Variants in IL13RA1 observed in about 807,000 individuals in gnomAD.
The protein encoded by IL13RA1 is interleukin-13 receptor subunit alpha-1.
A neutral mutation model predicts 33.8 loss-of-function variants in IL13RA1; 14 were observed. The observed-to-expected ratio is 0.41, with a 90% CI of 0.27 to 0.65. The LOEUF (loss-of-function observed/expected upper bound fraction) is 0.65. IL13RA1 is among the 30% of genes least tolerant of loss of function. IL13RA1 has a pLI of 0.28. For missense variants in IL13RA1, 313 were observed against 327.0 expected (o/e 0.96, Z 0.33); for synonymous variants, 116 against 115.7 (o/e 1.00, Z -0.02).
intron 1 of IL13RA1, among the ~76,000 whole-genome samples, chrX:118,730,616 G>T (rs1031326718): frequency 9.0e-6 from 1 of 111,662 alleles, no homozygotes; most frequent in African/African-American, 3.3e-5. Flanking sequence ...AGCTTGATTT[G>T]CCCTTGAAAG....
At chrX:118,758,434 CAT>C (rs989722385) in intron 5 of IL13RA1, among the ~76,000 whole-genome samples, 192 bp downstream of exon 5, 3 of 112,137 alleles carry the variant, frequency 2.7e-5, no homozygotes, top group Non-Finnish European at 5.6e-5. Context: ...TTATTGAACA[CAT>C]GTGCCAGATG....
At chrX:118,771,650 C>G (rs1396148031) in intron 8 of IL13RA1, among the ~76,000 whole-genome samples, 1 of 112,233 alleles carries the variant, frequency 8.9e-6, no homozygotes, top group Non-Finnish European at 1.9e-5. Context: ...ATAGTATGCT[C>G]TAATGACTTG....
chrX:118,729,265 A>G (rs2017189373), intron 1 of IL13RA1, among the ~76,000 whole-genome samples: 1 of 112,208 alleles, frequency 8.9e-6, no homozygotes, highest in African/African-American at 3.2e-5. Context: ...CTGGCCATCT[A>G]GAGAATACTG....
At chrX:118,760,034 A>C (rs768662726) in intron 5 of IL13RA1, among the ~76,000 whole-genome samples, 9 of 112,078 alleles carry the variant, frequency 8.0e-5, no homozygotes, top group Non-Finnish European at 1.7e-4. Context: ...TGGCTCCCAA[A>C]GTATTTTACT....
At chrX:118,783,813 C>A (rs2017872111) in intron 10 of IL13RA1, among the ~76,000 whole-genome samples, 1 of 99,695 alleles carries the variant, frequency 1.0e-5, no homozygotes, top group Non-Finnish European at 2.0e-5. Context: ...TAAATTAAAA[C>A]TTTTTTTTTT....
intron 4 of IL13RA1, 89 bp from the exon 5 acceptor site, chrX:118,757,966 C>A: frequency 1.9e-6 from 1 of 533,253 alleles, no homozygotes; most frequent in Non-Finnish European, 3.1e-6. Flanking sequence ...GCTGGGATTA[C>A]AGGTGTGAGC....
the IL13RA1 span, among the ~76,000 whole-genome samples, chrX:118,800,483 C>T: frequency 1.8e-5 from 2 of 110,837 alleles, no homozygotes; most frequent in African/African-American, 3.3e-5. Flanking sequence ...AGGTCTGCAG[C>T]TTCACTCATT....
chrX:118,763,519 C>T (rs2017612490), intron 6 of IL13RA1, among the ~76,000 whole-genome samples: 1 of 112,426 alleles, frequency 8.9e-6, no homozygotes, highest in African/African-American at 3.2e-5. Flanking sequence ...CTCAATACTT[C>T]CTCTTAATAG....
chrX:118,795,713 G>C (rs1043734693), downstream of IL13RA1, among the ~76,000 whole-genome samples: 1 of 112,202 alleles, frequency 8.9e-6, no homozygotes, highest in African/African-American at 3.2e-5. Context: ...AGAGGAGCCA[G>C]AGTGATCTAA....
Position 118,792,619 on chromosome X carries a change from C to G in IL13RA1, c.*765C>G, listed in dbSNP as rs749467271. 1.8e-5 allele frequency: 2 copies of G among 112,606 alleles called. No homozygotes were observed. The highest frequency in any genetic ancestry group is 6.5e-5 in the African/African-American group (2 of 30,792). The allele number at this position is 112,606 out of a possible 1,213,427, so 9.3% of individuals were successfully genotyped here. On this transcript the variant is annotated 3_prime_UTR_variant, in exon 11 of 11. Transcript: ENST00000371666. Reference sequence around the variant, plus strand: ...AGAGATCACACCACTGCACTCTAGCCTGGGTGACAGAGCAAGACTCTGTCT... The same window carrying G: ...AGAGATCACACCACTGCACTCTAGCGTGGGTGACAGAGCAAGACTCTGTCT...
At chrX:118,740,412 A>T (rs1417961267) in intron 1 of IL13RA1, among the ~76,000 whole-genome samples, 1 of 111,863 alleles carries the variant, frequency 8.9e-6, no homozygotes, top group Non-Finnish European at 1.9e-5. Flanking sequence ...TTCAAGTGAC[A>T]CTCCCAGCTC....
chrX:118,800,275 C>G, the IL13RA1 span, among the ~76,000 whole-genome samples: 1 of 110,295 alleles, frequency 9.1e-6, no homozygotes, highest in Non-Finnish European at 1.9e-5. Context: ...GCGACCCGCG[C>G]GGGTCCCCTT....
At chrX:118,740,647 G>A (rs1031906504) in intron 1 of IL13RA1, among the ~76,000 whole-genome samples, 1 of 111,991 alleles carries the variant, frequency 8.9e-6, no homozygotes, top group African/African-American at 3.3e-5. Flanking sequence ...ACAAAAATTA[G>A]CCAGGCGTGG....
intron 5 of IL13RA1, among the ~76,000 whole-genome samples, chrX:118,760,633 T>A (rs2017580640): frequency 8.9e-6 from 1 of 112,571 alleles, no homozygotes; most frequent in African/African-American, 3.2e-5. Flanking sequence ...TTAAATAAAC[T>A]TCTTCTATAA....
At chrX:118,804,172 G>T in the IL13RA1 span, among the ~76,000 whole-genome samples, 1 of 109,234 alleles carries the variant, frequency 9.2e-6, no homozygotes, top group Non-Finnish European at 1.9e-5. Context: ...AGCCAGGCTG[G>T]TCTCGAACTC....
At chrX:118,729,399 T>C (rs2017191101) in intron 1 of IL13RA1, among the ~76,000 whole-genome samples, 1 of 112,217 alleles carries the variant, frequency 8.9e-6, no homozygotes, top group African/African-American at 3.2e-5. Flanking sequence ...GGGAAAAAAT[T>C]AGATGTTTCC....
intron 2 of IL13RA1, among the ~76,000 whole-genome samples, chrX:118,742,611 G>A (rs1315546968): frequency 8.9e-6 from 1 of 112,123 alleles, no homozygotes; most frequent in East Asian, 2.8e-4. Flanking sequence ...AGAGTTAAAT[G>A]TAACTTTAGG....
At chrX:118,735,578 C>T (rs2017272307) in intron 1 of IL13RA1, among the ~76,000 whole-genome samples, 2 of 111,868 alleles carry the variant, frequency 1.8e-5, no homozygotes, top group Non-Finnish European at 3.8e-5. Context: ...GACAGAGTCT[C>T]ACTCTGTCAC....
rs138263682 is a variant in IL13RA1 at position 118,730,162 on chromosome X, G to A, written c.88+2436G>A. Among the ~76,000 whole-genome samples the A allele has an allele frequency of 7.4e-3, 829 of 111,500 alleles. 8 individuals are homozygous for A. The highest frequency in any genetic ancestry group is 0.025 in the African/African-American group (775 of 30,683). On this transcript the variant is annotated intron_variant, in intron 1 of 10. Coordinates refer to ENST00000371666, the MANE Select transcript of IL13RA1 (RefSeq NM_001560.3). ...AAAATACAAAAATTAGCCGAGTGTG[G>A]GATTACATGCCTGTAATCCCAGCTA...
Sources: gnomAD v4.1 joint callset for allele counts (sites outside exome capture counted in the v4.1 genomes callset) on GRCh38, gnomAD v4.1.1 for gene constraint, MANE v1.5 for transcripts, NCBI Gene and HGNC (gene_info 2026-07-23, HGNC 2026-07-21) for gene names.